The following DCC variants were observed in gnomAD, a reference collection of about 807,000 sequenced individuals.
DCC encodes netrin receptor DCC.
In DCC, 58 loss-of-function variants were observed where a neutral mutation model predicts 172.5. That is an observed-to-expected ratio of 0.34 (90% CI 0.27 to 0.42). The LOEUF is 0.42. Ranked by LOEUF, DCC falls within the 10% of genes least tolerant of loss-of-function variation. The probability of loss-of-function intolerance (pLI) is 1.00; values close to 1 mark genes in which losing one functional copy is unlikely to be tolerated. For synonymous variants in DCC, 709 were observed against 644.5 expected, an observed-to-expected ratio of 1.10 and a Z score of -1.52; for missense variants, 1,740 against 1,791.0, an observed-to-expected ratio of 0.97 and a Z score of 0.51.
intron 5 of DCC, among the ~76,000 whole-genome samples, chr18:52,975,745 A>T (rs931830432): frequency 6.6e-6 from 1 of 152,182 alleles, no homozygotes; most frequent in Non-Finnish European, 1.5e-5. Context: ...CATGTTCTTT[A>T]TCCAGTCTAT....
chr18:53,207,412 C>A (rs541795968), intron 10 of DCC, among the ~76,000 whole-genome samples: 66 of 152,228 alleles, frequency 4.3e-4, no homozygotes, highest in Non-Finnish European at 1.0e-4. Flanking sequence ...GGTAGAATAA[C>A]CCAAACCATT....
intron 15 of DCC, among the ~76,000 whole-genome samples, chr18:53,373,096 A>G (rs1210177631): frequency 6.6e-6 from 1 of 152,182 alleles, no homozygotes; most frequent in East Asian, 1.9e-4. Flanking sequence ...GAATTTTCCA[A>G]ACATGCAGCT....
rs576291538 is a variant in DCC, at chr18:52,604,095, A to T, written c.92-147959A>T. Among the ~76,000 whole-genome samples the T allele has an allele frequency of 5.3e-4, 81 of 152,102 alleles. 1 individual carries two copies. In the South Asian group the frequency reaches 0.016, roughly 31 times the overall value. The stretch of plus-strand genomic sequence containing the variant: ...AAGTTCTTAATTAATTAGCTTGACA[A>T]TCCTTCTCACCCACCACTGCTAGAT... On this transcript the variant is annotated intron_variant, in intron 1 of 28. Coordinates refer to ENST00000442544, the MANE Select transcript of DCC (RefSeq NM_005215.4).
intron 1 of DCC, among the ~76,000 whole-genome samples, chr18:52,477,420 T>A (rs1989125363): frequency 6.6e-6 from 1 of 152,188 alleles, no homozygotes; most frequent in Non-Finnish European, 1.5e-5. Context: ...CCTGACAGAA[T>A]GCCAAAGGTA....
intron 1 of DCC, among the ~76,000 whole-genome samples, chr18:52,470,289 C>T (rs938527370): frequency 3.9e-5 from 6 of 152,126 alleles, no homozygotes; most frequent in African/African-American, 1.4e-4. Flanking sequence ...TACAAAAGAA[C>T]ATTTTTAGTA....
At position 53,046,337 on chromosome 18, in the gene DCC, G is replaced by A. The variant is rs548630371; in HGVS notation, c.986-16968G>A. ...TGTTTTAAGCAATGCATTAATGCTTGCCAAATATTAAGTGAAAAAATAAAA... is the reference window on the plus strand; with the variant it reads ...TGTTTTAAGCAATGCATTAATGCTTACCAAATATTAAGTGAAAAAATAAAA... On this transcript the variant is annotated intron_variant, in intron 5 of 28. Transcript: ENST00000442544. Among the ~76,000 whole-genome samples the A allele has an allele frequency of 9.1e-4, 138 of 151,934 alleles. 3 individuals carry two copies. In the Middle Eastern group the frequency reaches 0.01, roughly 11 times the overall value.
At chr18:52,888,790 C>T (rs2039605578) in intron 2 of DCC, among the ~76,000 whole-genome samples, 1 of 151,804 alleles carries the variant, frequency 6.6e-6, no homozygotes, top group Non-Finnish European at 1.5e-5. Flanking sequence ...ACATGTGAAG[C>T]AAATGTGTAT....
intron 1 of DCC, among the ~76,000 whole-genome samples, chr18:52,544,295 A>G (rs574650179): frequency 6.6e-6 from 1 of 152,180 alleles, no homozygotes; most frequent in Non-Finnish European, 1.5e-5. Flanking sequence ...TCACCTTGTC[A>G]TGCTGGGGGA....
chr18:52,511,053 A>G (rs1294888632), intron 1 of DCC, among the ~76,000 whole-genome samples: 1 of 152,134 alleles, frequency 6.6e-6, no homozygotes, highest in Admixed American at 6.5e-5. Context: ...GGTCTTTAAC[A>G]AGAGTCTAGA....
intron 1 of DCC, among the ~76,000 whole-genome samples, chr18:52,685,148 A>G (rs1254409300): frequency 6.6e-6 from 1 of 152,178 alleles, no homozygotes; most frequent in African/African-American, 2.4e-5. Context: ...TCTTCTAAGA[A>G]TTAAATAATA....
At chr18:52,923,623 TTTG>T (rs2040156836) in intron 3 of DCC, 81 bp from the exon 4 acceptor site, 2 of 1,119,056 alleles carry the variant, frequency 1.8e-6, no homozygotes, top group East Asian at 2.4e-5. Flanking sequence ...CTTTCCATCT[TTTG>T]TTAGGAAAAA....
At chr18:53,454,343 CAAAAG>C (rs2045457105) in intron 23 of DCC, among the ~76,000 whole-genome samples, 1 of 151,972 alleles carries the variant, frequency 6.6e-6, no homozygotes, top group Non-Finnish European at 1.5e-5. Context: ...AGGCCTGTCT[CAAAAG>C]AGAAAAAAAG....
intron 12 of DCC, among the ~76,000 whole-genome samples, chr18:53,256,088 A>T (rs2056508426): frequency 6.6e-6 from 1 of 151,916 alleles, no homozygotes; most frequent in South Asian, 2.1e-4. Context: ...AATTTGTTTG[A>T]GTTCATTGTA....
chr18:52,778,121 A>G (rs2037466464), intron 2 of DCC, among the ~76,000 whole-genome samples: 2 of 152,226 alleles, frequency 1.3e-5, no homozygotes, highest in African/African-American at 4.8e-5. Context: ...CTAAGAAGTC[A>G]GTAAATAATG....
chr18:52,765,607 G>A (rs1415291068), intron 2 of DCC, among the ~76,000 whole-genome samples: 1 of 149,410 alleles, frequency 6.7e-6, no homozygotes, highest in Non-Finnish European at 1.5e-5. Context: ...GTCATTGCAT[G>A]GAGCATATTA....
intron 14 of DCC, among the ~76,000 whole-genome samples, chr18:53,328,927 C>T (rs2057499424): frequency 6.6e-6 from 1 of 152,184 alleles, no homozygotes; most frequent in African/African-American, 2.4e-5. Flanking sequence ...TTTTATGAAA[C>T]TTCTCCTTGT....
At chr18:53,163,788 G>T (rs937918542) in intron 8 of DCC, among the ~76,000 whole-genome samples, 1 of 152,156 alleles carries the variant, frequency 6.6e-6, no homozygotes, top group African/African-American at 2.4e-5. Flanking sequence ...GGAATGAAAA[G>T]TGATCTTTGA....
intron 2 of DCC, among the ~76,000 whole-genome samples, chr18:52,792,885 C>A (rs940843639): frequency 6.4e-4 from 6 of 9,390 alleles, no homozygotes; most frequent in Non-Finnish European, 6.7e-4. Flanking sequence ...AATTAAAGGA[C>A]AGATTTTGAG....
chr18:52,916,943 G>A (rs75739802), intron 3 of DCC, among the ~76,000 whole-genome samples: 3,161 of 151,742 alleles, frequency 0.021, 59 homozygotes, highest in Admixed American at 0.039. Flanking sequence ...TGTTTTGGCC[G>A]ACATAGGTGT....
Sources: allele counts gnomAD v4.1 joint callset (sites outside exome capture counted in the v4.1 genomes callset), GRCh38; gene constraint gnomAD v4.1.1; transcripts MANE v1.5; gene names NCBI Gene and HGNC (gene_info 2026-07-23, HGNC 2026-07-21).